Variants in CDH13 observed in about 807,000 individuals in gnomAD.
The protein encoded by CDH13 is cadherin-13.
A neutral mutation model predicts 63.8 loss-of-function variants in CDH13; 24 were observed. The ratio of observed to expected loss-of-function variants is 0.38; its 90% CI spans 0.27 to 0.53. The LOEUF (loss-of-function observed/expected upper bound fraction) is 0.53, where lower values mean the gene tolerates loss of function less well. Ranked by LOEUF, CDH13 falls within the 20% of genes least tolerant of loss-of-function variation. The probability of loss-of-function intolerance (pLI) is 0.85; values close to 1 mark genes in which losing one functional copy is unlikely to be tolerated. For synonymous variants in CDH13, 503 were observed against 355.3 expected (o/e 1.42, Z -4.67); for missense variants, 1,049 against 903.1 (o/e 1.16, Z -2.07).
chr16:83,702,476 G>T (rs1270786320), intron 10 of CDH13, among the ~76,000 whole-genome samples: 3 of 152,138 alleles, frequency 2.0e-5, no homozygotes, highest in Non-Finnish European at 4.4e-5. Flanking sequence ...GAAAGAGAGA[G>T]CAAGGAGGGT....
At chr16:83,743,845 G>A (rs917981456) in intron 10 of CDH13, among the ~76,000 whole-genome samples, 5 of 140,938 alleles carry the variant, frequency 3.5e-5, no homozygotes, top group Non-Finnish European at 6.0e-5. Flanking sequence ...CACCGTCTGC[G>A]TCCAGGCACT....
At chr16:83,657,683 C>T (rs1481667202) in intron 8 of CDH13, among the ~76,000 whole-genome samples, 2 of 152,196 alleles carry the variant, frequency 1.3e-5, no homozygotes, top group Non-Finnish European at 2.9e-5. Flanking sequence ...AAGAGATGAC[C>T]TCCAGGAGAC....
rs554774868 is a variant in CDH13 at position 83,770,722 on chromosome 16, T to G, written c.1682-9246T>G. Among the ~76,000 whole-genome samples the G allele has an allele frequency of 4.4e-4, 67 of 152,296 alleles. No individual in the cohort carries two copies. In the South Asian group the frequency reaches 0.013, roughly 30 times the overall value. ...TGATGTTGCCATGGCATTTGTAAACTGTCATGGTGCTGGTGGGAGTGCAGT... is the reference window on the plus strand; with the variant it reads ...TGATGTTGCCATGGCATTTGTAAACGGTCATGGTGCTGGTGGGAGTGCAGT... On this transcript the variant is annotated intron_variant, in intron 11 of 13. Coordinates refer to ENST00000567109, the MANE Select transcript of CDH13 (RefSeq NM_001257.5).
In CDH13 at chr16:82,976,676, G is replaced by T. The variant is rs534201920; in HGVS notation, c.158-55334G>T. The stretch of plus-strand genomic sequence containing the variant: ...ATGGTGGAGAATGTAGGTGAGATTG[G>T]CACTGAGGGGTTCAGACTCCCAAAT... On this transcript the variant is annotated intron_variant, in intron 2 of 13. Transcript: ENST00000567109. Among the ~76,000 whole-genome samples the T allele has an allele frequency of 9.2e-5, 14 of 152,244 alleles. No homozygotes were observed. In the South Asian group the frequency reaches 1.2e-3, roughly 14 times the overall value.
At chr16:83,256,814 C>T (rs1045964443) in intron 5 of CDH13, among the ~76,000 whole-genome samples, 19 of 144,120 alleles carry the variant, frequency 1.3e-4, no homozygotes, top group African/African-American at 4.9e-4. Context: ...CACTGCACTC[C>T]AGCCTGGGCG....
intron 4 of CDH13, among the ~76,000 whole-genome samples, chr16:83,191,996 T>A (rs2038732080): frequency 6.6e-6 from 1 of 152,068 alleles, no homozygotes; most frequent in Non-Finnish European, 1.5e-5. Flanking sequence ...CAAAAGCATG[T>A]AGAATTGATA....
chr16:82,791,237 CAAAAAAAA>C (rs3046482), intron 1 of CDH13, among the ~76,000 whole-genome samples: 9 of 103,414 alleles, frequency 8.7e-5, no homozygotes, highest in African/African-American at 2.7e-4. Context: ...ACTCCGTCTC[CAAAAAAAA>C]AAAAAAAAAA....
intron 1 of CDH13, among the ~76,000 whole-genome samples, chr16:82,679,312 T>G (rs1914282889): frequency 6.6e-6 from 1 of 152,216 alleles, no homozygotes; most frequent in South Asian, 2.1e-4. Context: ...GGAAGCTGTC[T>G]GATCACATAC....
chr16:83,705,992 A>C (rs986388837), intron 10 of CDH13, among the ~76,000 whole-genome samples: 1 of 152,162 alleles, frequency 6.6e-6, no homozygotes, highest in Non-Finnish European at 1.5e-5. Context: ...TAGTGACTGG[A>C]AACAACATCG....
chr16:82,678,696 C>G (rs570051981), intron 1 of CDH13, among the ~76,000 whole-genome samples: 2 of 152,240 alleles, frequency 1.3e-5, no homozygotes, highest in Middle Eastern at 6.8e-3. Context: ...ATGGCTGGCC[C>G]TTGAAGAGTA....
At chr16:83,024,965 G>C (rs918515064) in intron 2 of CDH13, among the ~76,000 whole-genome samples, 1 of 152,172 alleles carries the variant, frequency 6.6e-6, no homozygotes, top group Non-Finnish European at 1.5e-5. Flanking sequence ...AGTGATGCCT[G>C]TAGTAACCAT....
intron 3 of CDH13, among the ~76,000 whole-genome samples, chr16:83,101,512 G>A (rs1567829991): frequency 6.6e-6 from 1 of 152,008 alleles, no homozygotes; most frequent in Non-Finnish European, 1.5e-5. Flanking sequence ...CTGGGTAGAG[G>A]CTGGGCGTGG....
intron 5 of CDH13, among the ~76,000 whole-genome samples, chr16:83,251,307 G>A (rs1905501386): frequency 6.6e-6 from 1 of 152,078 alleles, no homozygotes; most frequent in African/African-American, 2.4e-5. Context: ...GTTTTATTAG[G>A]TACCAGACAT....
chr16:82,898,998 A>G (rs915563539), intron 2 of CDH13, among the ~76,000 whole-genome samples: 6 of 152,242 alleles, frequency 3.9e-5, no homozygotes, highest in African/African-American at 1.4e-4. Flanking sequence ...AATTCCCAAG[A>G]GGACCAGCAT....
Position 83,344,941 on chromosome 16 carries a change from A to T in CDH13, c.716A>T (p.Asn239Ile). Residue 239 changes from asparagine to isoleucine, a missense_variant, in exon 6 of 14, where the codon AAT (asparagine) becomes ATT (isoleucine). By Grantham distance (149) the Asn-to-Ile change is moderately radical (BLOSUM62 -3). Transcript: ENST00000567109. ...CTGGAAGTCATTGTGATTGATCAGA[A>T]TGACAACCGACCGATCTTTCGGGAA... ...VPLEVIVIDQ[N>I]DNRPIFREGP... 6.2e-7 allele frequency: 1 copy of T among 1,614,026 alleles called. No homozygotes were observed. The highest frequency in any genetic ancestry group is 8.5e-7 in the Non-Finnish European group (1 of 1,179,850).
At chr16:83,124,088 C>G (rs2035708337) in intron 3 of CDH13, among the ~76,000 whole-genome samples, 1 of 152,096 alleles carries the variant, frequency 6.6e-6, no homozygotes, top group Non-Finnish European at 1.5e-5. Context: ...TTCTGTCACC[C>G]AGGATGGAGT....
chr16:83,712,531 C>T (rs1037956917), intron 10 of CDH13, among the ~76,000 whole-genome samples: 14 of 152,184 alleles, frequency 9.2e-5, no homozygotes, highest in Admixed American at 3.9e-4. Context: ...GCTCTGCGCC[C>T]TGCATTTGAT....
intron 4 of CDH13, among the ~76,000 whole-genome samples, chr16:83,146,075 T>C (rs767324931): frequency 6.6e-6 from 1 of 151,948 alleles, no homozygotes; most frequent in African/African-American, 2.4e-5. Context: ...GCACCTGTAA[T>C]TCCAGCTACT....
At chr16:82,760,434 T>C (rs1192424931) in intron 1 of CDH13, among the ~76,000 whole-genome samples, 1 of 152,186 alleles carries the variant, frequency 6.6e-6, no homozygotes, top group East Asian at 1.9e-4. Context: ...TATGATTTTA[T>C]GAGTAGAGAC....
Sources: gnomAD v4.1 joint callset for allele counts (sites outside exome capture counted in the v4.1 genomes callset) on GRCh38, gnomAD v4.1.1 for gene constraint, MANE v1.5 for transcripts, NCBI Gene and HGNC (gene_info 2026-07-23, HGNC 2026-07-21) for gene names.